The following TBC1D5 variants were observed in gnomAD, a reference collection of about 807,000 sequenced individuals.
The protein encoded by TBC1D5 is TBC1 domain family, member 5.
TBC1D5 carries 75 observed loss-of-function variants against 100.3 expected under a neutral mutation model. The ratio of observed to expected loss-of-function variants is 0.75; its 90% CI spans 0.62 to 0.91. The LOEUF is 0.91. TBC1D5 is among the 40% of genes least tolerant of loss of function. The probability of loss-of-function intolerance (pLI) is 0.00; values close to 1 mark genes in which losing one functional copy is unlikely to be tolerated. For synonymous variants in TBC1D5, 323 were observed against 325.6 expected (o/e 0.99, Z 0.09); for missense variants, 910 against 942.4 (o/e 0.97, Z 0.45).
intron 15 of TBC1D5, among the ~76,000 whole-genome samples, chr3:17,281,352 T>A (rs2080569946): frequency 6.6e-6 from 1 of 152,226 alleles, no homozygotes. Context: ...AATAAAGATC[T>A]TTTCCAAATC....
intron 13 of TBC1D5, among the ~76,000 whole-genome samples, chr3:17,318,355 T>C (rs1000760001): frequency 1.3e-5 from 2 of 152,090 alleles, no homozygotes; most frequent in Admixed American, 1.3e-4. Context: ...TGTGCACATG[T>C]ACCCTAAAAC....
At chr3:17,594,916 T>C (rs2060470208) in intron 2 of TBC1D5, among the ~76,000 whole-genome samples, 1 of 152,142 alleles carries the variant, frequency 6.6e-6, no homozygotes. Context: ...TGGGTGTGTC[T>C]GCAAGGGTGC....
chr3:17,266,643 A>G (rs1249915258), intron 15 of TBC1D5, among the ~76,000 whole-genome samples: 1 of 152,140 alleles, frequency 6.6e-6, no homozygotes, highest in Non-Finnish European at 1.5e-5. Context: ...CAAAATTCAA[A>G]ATGTGTGAAT....
At chr3:17,211,202 G>A (rs986681798) in intron 18 of TBC1D5, among the ~76,000 whole-genome samples, 1 of 152,162 alleles carries the variant, frequency 6.6e-6, no homozygotes, top group African/African-American at 2.4e-5. Flanking sequence ...GCTCATTAAT[G>A]GTGGGATCCA....
rs564985900 is a variant in TBC1D5, at chr3:17,694,830, T to C, written c.-101+44513A>G. ...TAAGGTTGAAATGAAGGAAAAAATG[T>C]TAAAGGCAGCCAGAGAGAAAGGTCG... On this transcript the variant is annotated intron_variant, in intron 1 of 21. Transcript: ENST00000253692. Among the ~76,000 whole-genome samples, 344 of 152,190 alleles carry C rather than the reference T, an allele frequency of 2.3e-3. 1 individual carries two copies. The highest frequency in any genetic ancestry group is 8.0e-3 in the African/African-American group (331 of 41,512).
At chr3:17,705,513 G>A (rs1359224196) in intron 1 of TBC1D5, among the ~76,000 whole-genome samples, 1 of 147,680 alleles carries the variant, frequency 6.8e-6, no homozygotes, top group Non-Finnish European at 1.5e-5. Flanking sequence ...CAGGCGGAGG[G>A]TCTCCTCACT....
At chr3:17,501,776 G>C (rs1448991638) in intron 3 of TBC1D5, among the ~76,000 whole-genome samples, 1 of 149,376 alleles carries the variant, frequency 6.7e-6, no homozygotes, top group Admixed American at 6.6e-5. Context: ...CCTAGCTGCT[G>C]AATTCTGCTG....
At chr3:17,438,842 C>CA (rs2094585030) in intron 3 of TBC1D5, among the ~76,000 whole-genome samples, 1 of 151,816 alleles carries the variant, frequency 6.6e-6, no homozygotes, top group South Asian at 2.1e-4. Flanking sequence ...AACAACAAAA[C>CA]AAAAAATCAT....
intron 3 of TBC1D5, among the ~76,000 whole-genome samples, chr3:17,446,623 T>A (rs2094801832): frequency 6.6e-6 from 1 of 152,148 alleles, no homozygotes; most frequent in African/African-American, 2.4e-5. Flanking sequence ...AGTATTAAGG[T>A]ATCGATAACT....
At chr3:17,257,573 G>C (rs1184833959) in intron 16 of TBC1D5, among the ~76,000 whole-genome samples, 1 of 152,174 alleles carries the variant, frequency 6.6e-6, no homozygotes, top group Non-Finnish European at 1.5e-5. Flanking sequence ...TTCAATCAGA[G>C]ATGGGGAGTT....
At chr3:17,506,243 T>G (rs1319684148) in intron 3 of TBC1D5, among the ~76,000 whole-genome samples, 2 of 152,188 alleles carry the variant, frequency 1.3e-5, no homozygotes, top group Non-Finnish European at 2.9e-5. Flanking sequence ...TGCAACACAT[T>G]TTCCTGTAAA....
chr3:17,392,613 T>G (rs769904455), intron 8 of TBC1D5, among the ~76,000 whole-genome samples: 1 of 151,924 alleles, frequency 6.6e-6, no homozygotes, highest in Non-Finnish European at 1.5e-5. Context: ...GAACATGCGG[T>G]GTTTGGTTTT....
intron 15 of TBC1D5, among the ~76,000 whole-genome samples, chr3:17,278,034 T>C (rs1575097832): frequency 6.6e-6 from 1 of 152,370 alleles, no homozygotes; most frequent in East Asian, 1.9e-4. Context: ...AATGAGCCCA[T>C]GTTACCAGAA....
chr3:17,403,273 A>T (rs1163977859), intron 7 of TBC1D5, 25 bp from the exon 8 acceptor site: 1 of 1,512,390 alleles, frequency 6.6e-7, no homozygotes, highest in African/African-American at 1.4e-5. Flanking sequence ...ACAATCTATT[A>T]TATAGTCTCA....
intron 2 of TBC1D5, among the ~76,000 whole-genome samples, chr3:17,555,197 T>C (rs931406033): frequency 6.6e-6 from 1 of 152,162 alleles, no homozygotes; most frequent in African/African-American, 2.4e-5. Context: ...TTATTAACTC[T>C]GTAATCCAAA....
At chr3:17,321,473 T>A (rs1301060164) in intron 13 of TBC1D5, among the ~76,000 whole-genome samples, 1 of 152,264 alleles carries the variant, frequency 6.6e-6, no homozygotes, top group Non-Finnish European at 1.5e-5. Flanking sequence ...CACAACTGCT[T>A]TTAGTTTTAA....
At chr3:17,674,213 C>T (rs979455013) in intron 1 of TBC1D5, among the ~76,000 whole-genome samples, 2 of 152,068 alleles carry the variant, frequency 1.3e-5, no homozygotes, top group African/African-American at 4.8e-5. Flanking sequence ...TTCCTGCAGC[C>T]AAATTTCTTT....
chr3:17,629,321 T>G (rs2063311622), intron 1 of TBC1D5, among the ~76,000 whole-genome samples: 1 of 152,178 alleles, frequency 6.6e-6, no homozygotes, highest in Non-Finnish European at 1.5e-5. Flanking sequence ...TGTAGTATAA[T>G]CTAATAAAAA....
At chr3:17,289,657 TCAAAGA>T in intron 15 of TBC1D5, among the ~76,000 whole-genome samples, 1 of 150,886 alleles carries the variant, frequency 6.6e-6, no homozygotes, top group Middle Eastern at 3.4e-3. Flanking sequence ...AGTCAGTTCT[TCAAAGA>T]CAAAGGATGT....
Sources: gnomAD v4.1 joint callset for allele counts (sites outside exome capture counted in the v4.1 genomes callset) on GRCh38, gnomAD v4.1.1 for gene constraint, MANE v1.5 for transcripts, NCBI Gene and HGNC (gene_info 2026-07-23, HGNC 2026-07-21) for gene names.